AK7: variants seen among roughly 807,000 people sequenced by gnomAD.
AK7 encodes ATP-AMP transphosphorylase 7.
A neutral mutation model predicts 96.6 loss-of-function variants in AK7; 78 were observed. The observed-to-expected ratio is 0.81, with a 90% confidence interval of 0.67 to 0.97. The LOEUF (loss-of-function observed/expected upper bound fraction) is 0.97. Among genes scored for constraint, AK7 ranks in the 50% least tolerant of loss-of-function variants. The pLI is 0.00. For synonymous variants in AK7, 302 were observed against 317.2 expected, an observed-to-expected ratio of 0.95 and a Z score of 0.51; for missense variants, 855 against 887.9, an observed-to-expected ratio of 0.96 and a Z score of 0.47.
chr14:96,462,977 G>C (rs1004158938), intron 12 of AK7, among the ~76,000 whole-genome samples: 3 of 151,724 alleles, frequency 2.0e-5, no homozygotes, highest in Admixed American at 2.0e-4. Flanking sequence ...CTCTGCTAAC[G>C]GTACAAAAAA....
At chr14:96,471,927 T>C (rs1001394980) in intron 13 of AK7, among the ~76,000 whole-genome samples, 1 of 152,188 alleles carries the variant, frequency 6.6e-6, no homozygotes, top group Non-Finnish European at 1.5e-5. Context: ...ACTGTGATGT[T>C]CAGCACACCT....
intron 4 of AK7, among the ~76,000 whole-genome samples, chr14:96,415,094 A>G (rs1045849450): frequency 1.3e-5 from 2 of 151,912 alleles, no homozygotes; most frequent in African/African-American, 2.4e-5. Flanking sequence ...AGAGGAGCAG[A>G]AGAAATTTGA....
chr14:96,395,066 C>T (rs545116843), intron 1 of AK7, among the ~76,000 whole-genome samples: 29 of 152,286 alleles, frequency 1.9e-4, no homozygotes, highest in Admixed American at 9.8e-4. Context: ...GTCTCATTAA[C>T]GTCGGCCAGG....
rs754738536 is a variant in AK7 at position 96,437,932 on chromosome 14, T to C, written c.690+17T>C. 1.9e-5 allele frequency: 30 copies of C among 1,604,192 alleles called. No individual in the cohort carries two copies. The highest frequency in any genetic ancestry group is 2.5e-5 in the Non-Finnish European group (29 of 1,172,152). The stretch of plus-strand genomic sequence containing the variant: ...TTTTTTAAGGTATGGCTTTCAATGA[T>C]GACGTGGAATGTTTAAAAGTGTCTT... On this transcript the variant is annotated intron_variant, in intron 6 of 17. Coordinates refer to ENST00000267584, the MANE Select transcript of AK7 (RefSeq NM_152327.5).
At chr14:96,438,381 G>A (rs188956790) in intron 6 of AK7, among the ~76,000 whole-genome samples, 1 of 152,158 alleles carries the variant, frequency 6.6e-6, no homozygotes, top group South Asian at 2.1e-4. Flanking sequence ...GATTGGGGCT[G>A]TTATATCTTA....
chr14:96,438,032 G>A (rs1368883335), intron 6 of AK7, 117 bp downstream of exon 6: 2 of 766,376 alleles, frequency 2.6e-6, no homozygotes, highest in African/African-American at 3.5e-5. Context: ...AGCAGAAGAT[G>A]AAGGCAAGTA....
At chr14:96,463,830 T>C (rs1329931623) in intron 12 of AK7, among the ~76,000 whole-genome samples, 1 of 151,104 alleles carries the variant, frequency 6.6e-6, no homozygotes, top group Non-Finnish European at 1.5e-5. Flanking sequence ...AGAACATGAA[T>C]GCAATTGCAC....
intron 4 of AK7, among the ~76,000 whole-genome samples, chr14:96,412,226 CTT>C (rs34331496): frequency 0.43 from 52,334 of 120,570 alleles, 10,490 homozygotes; most frequent in East Asian, 0.73. Context: ...TTCTTTCTTT[CTT>C]TTTTTTTTTT....
intron 8 of AK7, 81 bp downstream of exon 8, chr14:96,446,688 C>G (rs1358450641): frequency 7.6e-7 from 1 of 1,314,428 alleles, no homozygotes; most frequent in Non-Finnish European, 1.1e-6. Context: ...TGCCTGTAAT[C>G]CTAGCATTTT....
intron 15 of AK7, among the ~76,000 whole-genome samples, chr14:96,478,961 T>C (rs927199314): frequency 6.6e-6 from 1 of 151,244 alleles, no homozygotes; most frequent in African/African-American, 2.4e-5. Context: ...CAAGCTGGAG[T>C]GCAGTGGTGC....
In AK7 at chr14:96,488,616, C is replaced by T. The variant is rs1454724314; in HGVS notation, c.*273C>T. ...ATTCTTTAGTCAGATCTAAATATAC[C>T]GCTTCTGTACACTAATGTTTATAGG... On this transcript the variant is annotated 3_prime_UTR_variant, in exon 18 of 18. Coordinates refer to ENST00000267584, the MANE Select transcript of AK7 (RefSeq NM_152327.5). The T allele has an allele frequency of 6.5e-6, 2 of 307,288 alleles. No individual in the cohort carries two copies. Among genetic ancestry groups the T allele is most frequent in the South Asian group, 1.4e-4 (2 of 14,530 alleles). The allele number at this position is 307,288 out of a possible 1,614,324, so 19.0% of individuals were successfully genotyped here.
chr14:96,405,009 T>C (rs1890628059), intron 3 of AK7, 144 bp downstream of exon 3: 1 of 442,240 alleles, frequency 2.3e-6, no homozygotes, highest in East Asian at 3.2e-5. Flanking sequence ...TCCATGATAA[T>C]AATATGGATA....
At chr14:96,464,719 T>G (rs1197937158) in intron 12 of AK7, among the ~76,000 whole-genome samples, 2 of 151,892 alleles carry the variant, frequency 1.3e-5, no homozygotes, top group African/African-American at 4.8e-5. Context: ...CTATTATCTT[T>G]AAAGCAAAAC....
At chr14:96,430,873 G>T (rs1892310755) in intron 5 of AK7, among the ~76,000 whole-genome samples, 1 of 152,086 alleles carries the variant, frequency 6.6e-6, no homozygotes, top group East Asian at 1.9e-4. Context: ...TGTACCTCTG[G>T]TAGAATTCAG....
At chr14:96,459,640 G>A (rs964313742) in intron 12 of AK7, among the ~76,000 whole-genome samples, 6 of 151,972 alleles carry the variant, frequency 3.9e-5, no homozygotes, top group Non-Finnish European at 5.9e-5. Flanking sequence ...CCAGCACTTC[G>A]TGATCTAGGA....
rs1240464684 is a variant in AK7, at chr14:96,407,583, T to TC, written c.404-1264_404-1263insC. 1.8e-4 allele frequency among the ~76,000 whole-genome samples: 25 copies of TC among 142,842 alleles called. 1 individual carries two copies. The highest frequency in any genetic ancestry group is 6.4e-4 in the African/African-American group (25 of 39,340). 93.7% of individuals were successfully genotyped at this position (142,842 alleles called of 152,430 possible). On this transcript the variant is annotated intron_variant, in intron 3 of 17. Transcript: ENST00000267584. ...GATATGTTTCTTTCTTTCTTTTCTT[T>TC]TTTTTTTTTTTTTTTTGAGACAGAG...
At chr14:96,444,668 C>G (rs1421046458) in intron 7 of AK7, among the ~76,000 whole-genome samples, 1 of 151,632 alleles carries the variant, frequency 6.6e-6, no homozygotes, top group Non-Finnish European at 1.5e-5. Flanking sequence ...ATCCTTATGG[C>G]AAAAAGTAGC....
chr14:96,404,899 G>A, intron 3 of AK7, 34 bp downstream of exon 3: 1 of 1,486,078 alleles, frequency 6.7e-7, no homozygotes, highest in South Asian at 1.2e-5. Flanking sequence ...CTCCAGGGAT[G>A]CTATTGTAGT....
chr14:96,487,383 C>CAAAAAAAAA (rs150742803), intron 17 of AK7, among the ~76,000 whole-genome samples: 73 of 46,642 alleles, frequency 1.6e-3, no homozygotes, highest in East Asian at 2.1e-3. Flanking sequence ...GACTCCGTCT[C>CAAAAAAAAA]AAAAAAAAAA....
Sources: gnomAD v4.1 joint callset for allele counts (sites outside exome capture counted in the v4.1 genomes callset) on GRCh38, gnomAD v4.1.1 for gene constraint, MANE v1.5 for transcripts, NCBI Gene and HGNC (gene_info 2026-07-23, HGNC 2026-07-21) for gene names.